Variants in ADCY2 observed in about 807,000 individuals in gnomAD.
ADCY2 encodes the protein adenylate cyclase type 2.
ADCY2 carries 31 observed loss-of-function variants against 125.2 expected under a neutral mutation model. The observed-to-expected ratio is 0.25, with a 90% CI of 0.19 to 0.33. The LOEUF is 0.33. Among genes scored for constraint, ADCY2 ranks in the 10% least tolerant of loss-of-function variants. ADCY2 has a pLI of 1.00. For synonymous variants in ADCY2, 512 were observed against 548.4 expected (o/e 0.93, Z 0.93); for missense variants, 904 against 1,418.2 (o/e 0.64, Z 5.82).
chr5:7,679,892 G>C (rs558173695), intron 4 of ADCY2, among the ~76,000 whole-genome samples: 1 of 152,262 alleles, frequency 6.6e-6, no homozygotes, highest in African/African-American at 2.4e-5. Flanking sequence ...ACCCAGAATA[G>C]AGATATGTCA....
intron 3 of ADCY2, among the ~76,000 whole-genome samples, chr5:7,615,941 T>G (rs927286510): frequency 6.6e-6 from 1 of 152,198 alleles, no homozygotes; most frequent in African/African-American, 2.4e-5. Flanking sequence ...TCATCATTAG[T>G]ATTTCACCAT....
intron 3 of ADCY2, among the ~76,000 whole-genome samples, chr5:7,619,145 G>A (rs1417094115): frequency 6.6e-6 from 1 of 152,192 alleles, no homozygotes; most frequent in East Asian, 1.9e-4. Context: ...GGTATCAGTG[G>A]CGATGTAAAG....
intron 4 of ADCY2, among the ~76,000 whole-genome samples, chr5:7,652,010 A>G (rs954369671): frequency 6.6e-6 from 1 of 151,966 alleles, no homozygotes; most frequent in Non-Finnish European, 1.5e-5. Flanking sequence ...CACCATGTTG[A>G]CCAGGATGGC....
chr5:7,752,123 A>G (rs1427200212), intron 15 of ADCY2, among the ~76,000 whole-genome samples: 1 of 152,230 alleles, frequency 6.6e-6, no homozygotes, highest in Non-Finnish European at 1.5e-5. Flanking sequence ...TGGCTCACCC[A>G]GGGCGAAAAG....
chr5:7,468,777 T>G (rs1742223285), intron 2 of ADCY2, among the ~76,000 whole-genome samples: 1 of 152,172 alleles, frequency 6.6e-6, no homozygotes, highest in African/African-American at 2.4e-5. Context: ...ACTTTGTGAC[T>G]TCAGGCCAGA....
At chr5:7,814,736 G>A (rs1031495752) in intron 22 of ADCY2, among the ~76,000 whole-genome samples, 1 of 152,140 alleles carries the variant, frequency 6.6e-6, no homozygotes, top group Non-Finnish European at 1.5e-5. Context: ...GAGTCACTGA[G>A]AGTTGGGCTT....
chr5:7,408,620 A>G (rs1237760862), intron 1 of ADCY2, among the ~76,000 whole-genome samples: 1 of 151,996 alleles, frequency 6.6e-6, no homozygotes, highest in Non-Finnish European at 1.5e-5. Flanking sequence ...TACCCACCGC[A>G]GCCTCTCAAA....
chr5:7,417,497 G>C (rs886277615), intron 2 of ADCY2, among the ~76,000 whole-genome samples: 4 of 152,164 alleles, frequency 2.6e-5, no homozygotes, highest in Non-Finnish European at 5.9e-5. Flanking sequence ...GAGTGGGGCA[G>C]GACAGAGTGT....
intron 3 of ADCY2, among the ~76,000 whole-genome samples, chr5:7,533,266 G>T (rs1339271462): frequency 6.6e-6 from 1 of 151,612 alleles, no homozygotes; most frequent in African/African-American, 2.4e-5. Context: ...GGTTTAAATT[G>T]TATTTCATAA....
At chr5:7,403,723 A>T (rs1385691810) in intron 1 of ADCY2, among the ~76,000 whole-genome samples, 1 of 152,168 alleles carries the variant, frequency 6.6e-6, no homozygotes, top group Non-Finnish European at 1.5e-5. Flanking sequence ...ATATAGACAC[A>T]TACACATAAA....
chr5:7,802,178 C>A lies in ADCY2; in HGVS notation c.2629-40C>A, dbSNP rs1233032336. The A allele has an allele frequency of 6.2e-7, 1 of 1,601,820 alleles. No homozygotes were observed. On this transcript the variant is annotated intron_variant, in intron 20 of 24. Transcript: ENST00000338316. The surrounding 1 kb of genome is among the most constrained non-coding windows in gnomAD (Gnocchi z 4.6). ...CTGTGGAGTGTTTCTGTTTAAAGGT[C>A]AGTCTCCTAGTGATCAGCTCTTGCT...
In ADCY2 at chr5:7,827,699, G is replaced by A. The variant is rs1745533231; in HGVS notation, c.*828G>A. The A allele has an allele frequency of 2.6e-5, 4 of 152,452 alleles. No homozygotes were observed. Among genetic ancestry groups the A allele is most frequent in the African/African-American group, 7.2e-5 (3 of 41,562 alleles). 9.4% of individuals were successfully genotyped at this position (152,452 alleles called of 1,614,324 possible). On this transcript the variant is annotated 3_prime_UTR_variant, in exon 25 of 25. Transcript: ENST00000338316. ...TTCAGATTAGGACACAGTGTGTGAC[G>A]CAGATAACTGGTTACTCAGCTCCCT...
intron 3 of ADCY2, among the ~76,000 whole-genome samples, chr5:7,551,882 A>G (rs1208169238): frequency 1.3e-5 from 2 of 152,234 alleles, no homozygotes; most frequent in Admixed American, 6.5e-5. Flanking sequence ...AAGCCACTCC[A>G]TAACTAAACC....
intron 4 of ADCY2, among the ~76,000 whole-genome samples, chr5:7,632,486 C>T (rs1461362425): frequency 6.6e-6 from 1 of 152,018 alleles, no homozygotes; most frequent in East Asian, 1.9e-4. Flanking sequence ...GTGCAGAGGG[C>T]ATAGCTTAAG....
At chr5:7,693,646 C>T (rs1452615934) in intron 5 of ADCY2, among the ~76,000 whole-genome samples, 1 of 152,126 alleles carries the variant, frequency 6.6e-6, no homozygotes, top group Non-Finnish European at 1.5e-5. Flanking sequence ...TGGTTTCGAA[C>T]TCCTGGCCTC....
At chr5:7,531,070 G>A (rs1390985537) in intron 3 of ADCY2, among the ~76,000 whole-genome samples, 1 of 152,146 alleles carries the variant, frequency 6.6e-6, no homozygotes, top group Non-Finnish European at 1.5e-5. Context: ...ATGCCTGAGG[G>A]TCTGAGCTCC....
intron 16 of ADCY2, among the ~76,000 whole-genome samples, chr5:7,760,710 A>G (rs182142095): frequency 2.1e-3 from 315 of 152,350 alleles, no homozygotes; most frequent in Non-Finnish European, 3.3e-3. Flanking sequence ...ACTGCAGGCA[A>G]GCAATTTAAC....
At chr5:7,650,590 G>A (rs1739053725) in intron 4 of ADCY2, among the ~76,000 whole-genome samples, 1 of 152,100 alleles carries the variant, frequency 6.6e-6, no homozygotes, top group African/African-American at 2.4e-5. Context: ...CCACTGCGTG[G>A]GAGCCTCTGT....
chr5:7,742,101 G>A (rs1425891464), intron 14 of ADCY2, among the ~76,000 whole-genome samples: 4 of 144,862 alleles, frequency 2.8e-5, no homozygotes, highest in Non-Finnish European at 4.5e-5. Flanking sequence ...CCTTAACACC[G>A]AGAAAAAGCT....
Sources: gnomAD v4.1 joint callset for allele counts (sites outside exome capture counted in the v4.1 genomes callset) on GRCh38, gnomAD v4.1.1 for gene constraint, Gnocchi (gnomAD v3.1) non-coding constraint, MANE v1.5 for transcripts, NCBI Gene and HGNC (gene_info 2026-07-23, HGNC 2026-07-21) for gene names.